The following TENM2 variants were observed in gnomAD, a reference collection of about 807,000 sequenced individuals.
TENM2 encodes teneurin transmembrane protein 2.
TENM2 carries 52 observed loss-of-function variants against 245.2 expected under a neutral mutation model. The observed-to-expected ratio is 0.21, with a 90% confidence interval of 0.17 to 0.27. The LOEUF is 0.27. Among genes scored for constraint, TENM2 ranks in the 10% least tolerant of loss-of-function variants. TENM2 has a pLI of 1.00. For synonymous variants in TENM2, 1,363 were observed against 1,438.9 expected (o/e 0.95, Z 1.19); for missense variants, 3,046 against 3,666.8 (o/e 0.83, Z 4.37).
chr5:167,337,334 G>A (rs988299349), intron 1 of TENM2, among the ~76,000 whole-genome samples: 7 of 152,056 alleles, frequency 4.6e-5, no homozygotes, highest in Middle Eastern at 6.8e-3. Context: ...CCTTTATTAA[G>A]CAGTCAACAT....
chr5:167,130,125 G>A, the TENM2 span, among the ~76,000 whole-genome samples: 11 of 152,218 alleles, frequency 7.2e-5, no homozygotes, highest in Non-Finnish European at 1.3e-4. Flanking sequence ...GGATATAATG[G>A]CATAAACTAA....
At chr5:167,053,816 C>G in the TENM2 span, among the ~76,000 whole-genome samples, 1 of 152,122 alleles carries the variant, frequency 6.6e-6, no homozygotes, top group Non-Finnish European at 1.5e-5. Context: ...TATAAGGTTG[C>G]ATAACTAACC....
intron 2 of TENM2, among the ~76,000 whole-genome samples, chr5:167,785,374 C>G (rs947543263): frequency 6.6e-6 from 1 of 151,258 alleles, no homozygotes; most frequent in Non-Finnish European, 1.5e-5. Context: ...CTTTTTTTTC[C>G]TCCTTGCTCA....
At chr5:167,989,916 G>A (rs114040704) in intron 4 of TENM2, among the ~76,000 whole-genome samples, 1,664 of 152,222 alleles carry the variant, frequency 0.011, 31 homozygotes, top group African/African-American at 0.039. Flanking sequence ...ACGGGATGTG[G>A]GTCAGGAGCT....
At chr5:168,151,069 C>G (rs1000840155) in intron 12 of TENM2, among the ~76,000 whole-genome samples, 2 of 152,158 alleles carry the variant, frequency 1.3e-5, no homozygotes, top group East Asian at 1.9e-4. Flanking sequence ...CTTGCTCCAC[C>G]ACCTCCCTCT....
rs1186347147 is a variant in TENM2, at chr5:168,226,330, A to AT, written c.5284+67_5284+68insT. The AT allele has an allele frequency of 1.5e-4, 221 of 1,478,714 alleles. No individual in the cohort carries two copies. In the African/African-American group the frequency reaches 2.9e-3, roughly 20 times the overall value. 91.6% of individuals were successfully genotyped at this position (1,478,714 alleles called of 1,614,324 possible). ...TAGACCCAGAACCCAGCCAAGCCCAACATGTGAGTTATGCAGCCTGGGAGG... is the reference window on the plus strand; with the variant it reads ...TAGACCCAGAACCCAGCCAAGCCCAATCATGTGAGTTATGCAGCCTGGGAGG... On this transcript the variant is annotated intron_variant, in intron 24 of 28. Coordinates refer to ENST00000518659, the Ensembl canonical transcript of TENM2.
rs1467571327 is a variant in TENM2, at chr5:167,354,117, C to G, written c.227-21081C>G. Among the ~76,000 whole-genome samples, 3 of 152,196 alleles carry G rather than the reference C, an allele frequency of 2.0e-5. No homozygotes were observed. The East Asian group carries it at 5.8e-4, about 29-fold the overall frequency. ...GTGTGTTTATTGAGCAACTACTACA[C>G]TAGATCCTGGGTTTACATGGGTAAA... On this transcript the variant is annotated intron_variant, in intron 1 of 28. Transcript: ENST00000518659.
At chr5:168,012,269 T>TA (rs1182571271) in intron 5 of TENM2, among the ~76,000 whole-genome samples, 1 of 152,124 alleles carries the variant, frequency 6.6e-6, no homozygotes, top group Admixed American at 6.5e-5. Flanking sequence ...TACTCCATTG[T>TA]AAAACAATCC....
chr5:167,976,428 G>T (rs964731645), intron 4 of TENM2, among the ~76,000 whole-genome samples: 3 of 152,074 alleles, frequency 2.0e-5, no homozygotes, highest in African/African-American at 7.2e-5. Context: ...TTAAGTATTA[G>T]GTTTGTGAAG....
At chr5:168,173,226 G>A (rs1487930444) in intron 13 of TENM2, among the ~76,000 whole-genome samples, 3 of 152,084 alleles carry the variant, frequency 2.0e-5, no homozygotes, top group East Asian at 1.9e-4. Flanking sequence ...TAGAGTCCCC[G>A]GCAGCTGCAA....
rs751168200 is a variant in TENM2, at chr5:168,244,662, C to T, written c.5763C>T (p.Ile1921=). ...CAGACATCGACAAGCAAGGCCGCAT[C>T]GTGTCCCGCATGTTCGCTGACGGGA... is the stretch of plus-strand genomic sequence containing the variant. The change falls in exon 26 of 29, where the codon ATC becomes ATT. Residue 1921 remains isoleucine (I), a synonymous_variant. Coordinates refer to ENST00000518659, the Ensembl canonical transcript of TENM2. This position sits in a 1 kb window ranked among gnomAD's most constrained non-coding sequence, Gnocchi z 4.9. 14 of 1,533,470 alleles carry T rather than the reference C, an allele frequency of 9.1e-6. No individual in the cohort carries two copies. The highest frequency in any genetic ancestry group is 6.2e-5 in the South Asian group (5 of 80,070). 95.0% of individuals were successfully genotyped at this position (1,533,470 alleles called of 1,614,324 possible).
intron 2 of TENM2, among the ~76,000 whole-genome samples, chr5:167,582,248 G>A (rs968986614): frequency 1.2e-4 from 18 of 152,186 alleles, no homozygotes; most frequent in African/African-American, 4.3e-4. Context: ...GAGGGAAAGT[G>A]TTGTCAACCT....
At chr5:167,785,234 G>A (rs1472766736) in intron 2 of TENM2, among the ~76,000 whole-genome samples, 3 of 152,214 alleles carry the variant, frequency 2.0e-5, no homozygotes, top group Non-Finnish European at 4.4e-5. Context: ...ATCACGTGAT[G>A]TGATTTAATG....
intron 2 of TENM2, among the ~76,000 whole-genome samples, chr5:167,427,147 A>G (rs1233928439): frequency 1.3e-5 from 2 of 152,192 alleles, no homozygotes; most frequent in African/African-American, 4.8e-5. Context: ...AAAGAGAAAG[A>G]CAAAACAACC....
chr5:168,234,677 T>A (rs1016126405), intron 25 of TENM2, among the ~76,000 whole-genome samples: 2 of 152,108 alleles, frequency 1.3e-5, no homozygotes, highest in Non-Finnish European at 2.9e-5. Flanking sequence ...CCCCTTCTAT[T>A]AAGATTTAAA....
At chr5:167,403,437 T>C (rs192931116) in intron 2 of TENM2, among the ~76,000 whole-genome samples, 2 of 152,302 alleles carry the variant, frequency 1.3e-5, no homozygotes, top group Admixed American at 1.3e-4. Context: ...CTAATAAACT[T>C]ACTTTAAATC....
intron 2 of TENM2, among the ~76,000 whole-genome samples, chr5:167,491,747 A>G (rs1025763033): frequency 6.6e-6 from 1 of 152,164 alleles, no homozygotes; most frequent in Non-Finnish European, 1.5e-5. Flanking sequence ...AAAAGTCCCA[A>G]TTAAATGTGT....
chr5:167,541,834 AT>A (rs1375479618), intron 2 of TENM2, among the ~76,000 whole-genome samples: 2 of 152,246 alleles, frequency 1.3e-5, no homozygotes, highest in Non-Finnish European at 2.9e-5. Context: ...TAAGGCAATA[AT>A]TTGAGAAATA....
At chr5:167,532,720 A>T (rs949120311) in intron 2 of TENM2, among the ~76,000 whole-genome samples, 3 of 151,526 alleles carry the variant, frequency 2.0e-5, no homozygotes, top group African/African-American at 7.3e-5. Flanking sequence ...ATATGTATAT[A>T]TACACACACA....
Sources: allele counts gnomAD v4.1 joint callset (sites outside exome capture counted in the v4.1 genomes callset), GRCh38; gene constraint gnomAD v4.1.1; non-coding constraint Gnocchi (gnomAD v3.1); transcripts MANE v1.5; gene names NCBI Gene and HGNC (gene_info 2026-07-23, HGNC 2026-07-21).